The following GABRB1 variants were observed in gnomAD, a reference collection of about 807,000 sequenced individuals.
GABRB1 encodes the protein gamma-aminobutyric acid receptor subunit beta-1.
Under a neutral mutation model 51.6 loss-of-function variants are expected in GABRB1, and 17 were observed. That is an observed-to-expected ratio of 0.33 (90% CI 0.23 to 0.49). GABRB1 has a LOEUF of 0.49. Among genes scored for constraint, GABRB1 ranks in the 20% least tolerant of loss-of-function variants. The probability of loss-of-function intolerance (pLI) is 0.99; values close to 1 mark genes in which losing one functional copy is unlikely to be tolerated. For missense variants in GABRB1, 410 were observed against 600.6 expected (o/e 0.68, Z 3.32); for synonymous variants, 247 against 218.9 (o/e 1.13, Z -1.14).
intron 5 of GABRB1, among the ~76,000 whole-genome samples, chr4:47,352,264 G>T (rs944234710): frequency 3.5e-4 from 53 of 152,210 alleles, no homozygotes; most frequent in African/African-American, 9.6e-4. Flanking sequence ...TGAAATTGTG[G>T]CAATAATCAA....
At chr4:47,249,803 T>A (rs1158879187) in intron 4 of GABRB1, among the ~76,000 whole-genome samples, 1 of 152,184 alleles carries the variant, frequency 6.6e-6, no homozygotes, top group Non-Finnish European at 1.5e-5. Context: ...CCTTTTACTT[T>A]AAGTTTATGT....
At chr4:47,006,313 G>C in intron 1 of GABRB1, among the ~76,000 whole-genome samples, 1 of 151,896 alleles carries the variant, frequency 6.6e-6, no homozygotes, top group South Asian at 2.1e-4. Context: ...GATATTTATT[G>C]TAATAAAATA....
At chr4:47,170,247 T>C (rs1718379224) in intron 4 of GABRB1, among the ~76,000 whole-genome samples, 1 of 138,414 alleles carries the variant, frequency 7.2e-6, no homozygotes, top group South Asian at 2.4e-4. Flanking sequence ...ATAAAATCAA[T>C]GGCTACACTT....
intron 4 of GABRB1, among the ~76,000 whole-genome samples, chr4:47,312,392 T>A (rs1724724385): frequency 6.7e-6 from 1 of 148,162 alleles, no homozygotes; most frequent in Admixed American, 6.8e-5. Context: ...TTCACCCTAT[T>A]GCACTGAGCA....
At chr4:47,396,830 A>G (rs1375860900) in intron 5 of GABRB1, among the ~76,000 whole-genome samples, 2 of 152,196 alleles carry the variant, frequency 1.3e-5, no homozygotes, top group African/African-American at 4.8e-5. Context: ...TCAGCAAAAT[A>G]TGTTATCACT....
chr4:47,048,760 T>A (rs528986350), intron 3 of GABRB1, among the ~76,000 whole-genome samples: 258 of 152,250 alleles, frequency 1.7e-3, no homozygotes, highest in African/African-American at 6.0e-3. Context: ...AGAGCTGGGT[T>A]TAAAGCTCAG....
intron 4 of GABRB1, among the ~76,000 whole-genome samples, chr4:47,190,322 T>A (rs1257321240): frequency 3.3e-5 from 5 of 152,146 alleles, no homozygotes; most frequent in African/African-American, 1.2e-4. Context: ...CTGCTAACCA[T>A]ACCCAACTCT....
chr4:47,252,754 C>G (rs1214339589), intron 4 of GABRB1, among the ~76,000 whole-genome samples: 1 of 151,980 alleles, frequency 6.6e-6, no homozygotes, highest in Non-Finnish European at 1.5e-5. Context: ...GTGATCCACC[C>G]AAAGTGGAGG....
Position 47,242,493 on chromosome 4 carries a change from A to T in GABRB1, c.462-77634A>T, listed in dbSNP as rs1721562933. On this transcript the variant is annotated intron_variant, in intron 4 of 8. Transcript: ENST00000295454. Reference sequence around the variant, plus strand: ...TTCCACAATGGTTGAACTAGCTTACAGTCCCAGCAACAGTGTAAAAGTGTT... The same window carrying T: ...TTCCACAATGGTTGAACTAGCTTACTGTCCCAGCAACAGTGTAAAAGTGTT... Among the ~76,000 whole-genome samples the T allele has an allele frequency of 3.3e-5, 5 of 152,236 alleles. No individual in the cohort carries two copies. In the South Asian group the frequency reaches 1.0e-3, roughly 31 times the overall value.
chr4:47,211,529 A>G (rs1402407623), intron 4 of GABRB1, among the ~76,000 whole-genome samples: 1 of 152,224 alleles, frequency 6.6e-6, no homozygotes, highest in African/African-American at 2.4e-5. Flanking sequence ...TACAGTGTGG[A>G]CAAGGTTTAG....
intron 4 of GABRB1, among the ~76,000 whole-genome samples, chr4:47,267,662 G>T (rs948339412): frequency 3.9e-5 from 6 of 152,118 alleles, no homozygotes; most frequent in African/African-American, 1.4e-4. Flanking sequence ...AGGCATGGTG[G>T]CAGGCGGCTG....
intron 1 of GABRB1, among the ~76,000 whole-genome samples, chr4:47,009,626 G>A (rs967513036): frequency 6.6e-5 from 10 of 152,186 alleles, no homozygotes; most frequent in African/African-American, 1.2e-4. Context: ...TGTCAAAGTC[G>A]TATGATAGCA....
chr4:47,075,376 G>A (rs1433465640), intron 3 of GABRB1, among the ~76,000 whole-genome samples: 4 of 152,104 alleles, frequency 2.6e-5, no homozygotes, highest in Admixed American at 2.6e-4. Flanking sequence ...TGTTCATATA[G>A]AAATTAAACC....
chr4:47,041,138 G>A (rs567028157), intron 3 of GABRB1, among the ~76,000 whole-genome samples: 4 of 152,186 alleles, frequency 2.6e-5, no homozygotes, highest in East Asian at 3.9e-4. Flanking sequence ...AAATGAGACC[G>A]GATATAACAG....
intron 5 of GABRB1, among the ~76,000 whole-genome samples, chr4:47,362,124 T>C (rs1726830853): frequency 6.6e-6 from 1 of 152,042 alleles, no homozygotes. Flanking sequence ...GAAAACAATA[T>C]CAGAGAAGCC....
rs550598362 is a variant in GABRB1 at position 47,310,243 on chromosome 4, T to C, written c.462-9884T>C. Among the ~76,000 whole-genome samples the C allele has an allele frequency of 3.7e-4, 57 of 152,314 alleles. No homozygotes were observed. The South Asian group carries it at 0.012, about 31-fold the overall frequency. On this transcript the variant is annotated intron_variant, in intron 4 of 8. Transcript: ENST00000295454. ...TTCTAAATGAGAAATAAGCACACCT[T>C]ACCTATTTTATAAAACAAGTAGACA...
chr4:47,117,375 G>A (rs1242227797), intron 3 of GABRB1, among the ~76,000 whole-genome samples: 1 of 152,140 alleles, frequency 6.6e-6, no homozygotes, highest in African/African-American at 2.4e-5. Flanking sequence ...TAATCTGGAT[G>A]CCTTCTTCAG....
intron 5 of GABRB1, among the ~76,000 whole-genome samples, chr4:47,369,922 A>T (rs1727126745): frequency 6.6e-6 from 1 of 152,158 alleles, no homozygotes; most frequent in Non-Finnish European, 1.5e-5. Flanking sequence ...TATTATTTTT[A>T]TCTTTGTAAT....
Position 47,403,359 on chromosome 4 carries a change from G to A in GABRB1, c.586G>A (p.Gly196Arg), listed in dbSNP as rs377538048. The change falls in exon 6 of 9, where the codon GGA becomes AGA. Residue 196 changes from glycine (G) to arginine (R), a missense_variant. Coordinates refer to ENST00000295454, the MANE Select transcript of GABRB1 (RefSeq NM_000812.4). ...TGACATTGAATTTTACTGGAATGGA[G>A]GAGAAGGGGCAGTCACTGGTGTTAA... ...TDDIEFYWNG[G>R]EGAVTGVNKI... is the part of the protein sequence containing the mutation. The A allele has an allele frequency of 1.7e-4, 268 of 1,613,918 alleles. No homozygotes were observed. Among genetic ancestry groups the A allele is most frequent in the Non-Finnish European group, 2.3e-4 (266 of 1,179,924 alleles).
Sources: allele counts gnomAD v4.1 joint callset (sites outside exome capture counted in the v4.1 genomes callset), GRCh38; gene constraint gnomAD v4.1.1; transcripts MANE v1.5; gene names NCBI Gene and HGNC (gene_info 2026-07-23, HGNC 2026-07-21).